Variants in CGA observed in about 807,000 individuals in gnomAD.
The protein encoded by CGA is glycoprotein hormones alpha chain.
CGA carries 4 observed loss-of-function variants against 12.0 expected under a neutral mutation model. That is an observed-to-expected ratio of 0.33 (90% confidence interval 0.16 to 0.76). The LOEUF is 0.76. CGA is among the 30% of genes least tolerant of loss of function. The pLI is 0.60. For missense variants in CGA, 102 were observed against 143.5 expected (o/e 0.71, Z 1.48); for synonymous variants, 60 against 56.6 (o/e 1.06, Z -0.27).
intron 1 of CGA, among the ~76,000 whole-genome samples, chr6:87,093,066 C>A (rs1769470614): frequency 6.6e-6 from 1 of 152,012 alleles, no homozygotes; most frequent in African/African-American, 2.4e-5. Context: ...GGCGTGAGCC[C>A]CCGTGCCCAG....
chr6:87,092,164 A>G (rs1178849843), intron 1 of CGA, among the ~76,000 whole-genome samples: 1 of 151,916 alleles, frequency 6.6e-6, no homozygotes, highest in African/African-American at 2.4e-5. Context: ...GTTTACTGCT[A>G]TGGCAGATTG....
Position 87,092,247 on chromosome 6 carries a change from G to A in CGA, c.-8+2766C>T, listed in dbSNP as rs191233621. 9.9e-5 allele frequency among the ~76,000 whole-genome samples: 15 copies of A among 152,222 alleles called. No individual in the cohort carries two copies. The East Asian group carries it at 2.1e-3, about 22-fold the overall frequency. ...TGCAGTGTGACCTTGTCACTCCCAC[G>A]TCAAACAGTGGTATGTCTGTCTTTG... On this transcript the variant is annotated intron_variant, in intron 1 of 3. Transcript: ENST00000627148.
chr6:87,091,393 C>A (rs1769429518), intron 1 of CGA, among the ~76,000 whole-genome samples: 1 of 152,104 alleles, frequency 6.6e-6, no homozygotes, highest in East Asian at 1.9e-4. Flanking sequence ...TTTTTATCAT[C>A]CTAATCACCC....
At chr6:87,091,785 G>A (rs1769436605) in intron 1 of CGA, among the ~76,000 whole-genome samples, 1 of 152,160 alleles carries the variant, frequency 6.6e-6, no homozygotes, top group Admixed American at 6.5e-5. Flanking sequence ...CAACCCCAAA[G>A]ACAAAATAAA....
intron 1 of CGA, chr6:87,094,736 T>C (rs1381535759): frequency 6.6e-6 from 1 of 152,224 alleles, no homozygotes; most frequent in Admixed American, 6.5e-5. Flanking sequence ...TGACATACAG[T>C]AATTCTTGAG....
At chr6:87,091,334 C>G (rs1040707993) in intron 1 of CGA, among the ~76,000 whole-genome samples, 8 of 152,124 alleles carry the variant, frequency 5.3e-5, no homozygotes, top group Non-Finnish European at 1.2e-4. Flanking sequence ...CAAGTAAAAA[C>G]AGAATAGCCT....
At chr6:87,092,993 G>A (rs1769469021) in intron 1 of CGA, among the ~76,000 whole-genome samples, 1 of 152,032 alleles carries the variant, frequency 6.6e-6, no homozygotes, top group African/African-American at 2.4e-5. Context: ...TGCCCAGGCT[G>A]ATCTTCAACT....
intron 3 of CGA, 23 bp from the exon 4 acceptor site, chr6:87,085,856 C>T (rs368530753): frequency 3.3e-5 from 47 of 1,443,392 alleles, no homozygotes; most frequent in Non-Finnish European, 4.4e-5. Flanking sequence ...GAAAAAAAAA[C>T]ATATTATAGA....
At chr6:87,094,423 T>C (rs1769496032) in intron 1 of CGA, among the ~76,000 whole-genome samples, 1 of 152,226 alleles carries the variant, frequency 6.6e-6, no homozygotes, top group Admixed American at 6.5e-5. Flanking sequence ...TCATTGCAAA[T>C]TCATGAATAA....
chr6:87,085,941 G>A (rs1769313792), intron 3 of CGA, 108 bp from the exon 4 acceptor site: 1 of 803,932 alleles, frequency 1.2e-6, no homozygotes, highest in South Asian at 1.5e-5. Context: ...GCTGAAATAA[G>A]TAGATGCATA....
At chr6:87,088,041 A>T in intron 2 of CGA, 72 bp downstream of exon 2, 1 of 738,564 alleles carries the variant, frequency 1.4e-6, no homozygotes, top group Non-Finnish European at 2.2e-6. Context: ...AAATGTAATT[A>T]ATGGAGTTAT....
At chr6:87,091,168 A>AT (rs1490154440) in intron 1 of CGA, among the ~76,000 whole-genome samples, 6 of 152,196 alleles carry the variant, frequency 3.9e-5, no homozygotes, top group Non-Finnish European at 8.8e-5. Context: ...TTATAATAAG[A>AT]TTTGAGAATG....
intron 1 of CGA, among the ~76,000 whole-genome samples, chr6:87,089,992 CA>C (rs1371982304): frequency 6.6e-6 from 1 of 151,690 alleles, no homozygotes; most frequent in East Asian, 1.9e-4. Flanking sequence ...TTCCAATATC[CA>C]AAAAAAATTA....
intron 2 of CGA, 158 bp from the exon 3 acceptor site, chr6:87,086,592 C>T: frequency 1.6e-6 from 1 of 618,658 alleles, no homozygotes; most frequent in South Asian, 2.2e-5. Flanking sequence ...GCCTGGGCAA[C>T]ATGGTGAAAC....
intron 1 of CGA, among the ~76,000 whole-genome samples, chr6:87,091,117 G>C (rs543131652): frequency 1.3e-5 from 2 of 152,262 alleles, no homozygotes; most frequent in South Asian, 4.1e-4. Flanking sequence ...CAGCCATTAT[G>C]CAGTGAACAA....
rs1474614235 is a variant in CGA, at chr6:87,094,675, A to G, written c.-8+338T>C. Among the ~76,000 whole-genome samples, 4 of 152,200 alleles carry G rather than the reference A, an allele frequency of 2.6e-5. No homozygotes were observed. The South Asian group carries it at 6.2e-4, about 24-fold the overall frequency. On this transcript the variant is annotated intron_variant, in intron 1 of 3. Coordinates refer to ENST00000627148, the MANE Select transcript of CGA (RefSeq NM_000735.4). ...ATAATAAAACAATATCATAATGTCT[A>G]CTTGCCCTCTGTCTGGCTCCTGGAA... is the stretch of plus-strand genomic sequence containing the variant.
chr6:87,091,245 A>G (rs1195745095), intron 1 of CGA, among the ~76,000 whole-genome samples: 2 of 149,646 alleles, frequency 1.3e-5, no homozygotes, highest in African/African-American at 4.9e-5. Flanking sequence ...AGATTGAAAA[A>G]GTGAAACAAA....
intron 2 of CGA, 80 bp from the exon 3 acceptor site, chr6:87,086,514 C>T (rs773891609): frequency 2.1e-6 from 3 of 1,396,732 alleles, no homozygotes; most frequent in Non-Finnish European, 2.9e-6. Context: ...CAGTAGCTCA[C>T]GCCTGTAATC....
At chr6:87,092,196 A>G (rs1156634784) in intron 1 of CGA, among the ~76,000 whole-genome samples, 1 of 152,146 alleles carries the variant, frequency 6.6e-6, no homozygotes, top group African/African-American at 2.4e-5. Context: ...AATGGCCACA[A>G]AAATACCCCT....
Sources: allele counts gnomAD v4.1 joint callset (sites outside exome capture counted in the v4.1 genomes callset), GRCh38; gene constraint gnomAD v4.1.1; transcripts MANE v1.5; gene names NCBI Gene and HGNC (gene_info 2026-07-23, HGNC 2026-07-21).